OXR1: variants seen among roughly 807,000 people sequenced by gnomAD.
OXR1 encodes the protein oxidation resistance protein 1.
OXR1 carries 41 observed loss-of-function variants against 104.6 expected under a neutral mutation model. The observed-to-expected ratio is 0.39, with a 90% CI of 0.31 to 0.51. OXR1 has a LOEUF of 0.51. Ranked by LOEUF, OXR1 falls within the 20% of genes least tolerant of loss-of-function variation. OXR1 has a pLI of 0.77. For missense variants in OXR1, 955 were observed against 1,031.9 expected, an observed-to-expected ratio of 0.93 and a Z score of 1.02; for synonymous variants, 348 against 348.4, an observed-to-expected ratio of 1.00 and a Z score of 0.01.
Position 106,713,874 on chromosome 8 carries a change from A to G in OXR1, c.1845A>G (p.Ala615=), listed in dbSNP as rs953127412. Residue 615 remains alanine, a synonymous_variant, in exon 11 of 17, where the codon GCA becomes GCG. Transcript: ENST00000517566. ...FFIQWSPEIY[A]EDTGEYTREP... is the part of the protein sequence containing the mutation. Reference sequence around the variant, plus strand: ...TTCAGTGGAGTCCAGAAATATATGCAGAAGATACTGGCGAATATACCAGAG... The same window carrying G: ...TTCAGTGGAGTCCAGAAATATATGCGGAAGATACTGGCGAATATACCAGAG... 1.3e-6 allele frequency: 2 copies of G among 1,589,772 alleles called. No individual in the cohort carries two copies. The highest frequency in any genetic ancestry group is 8.5e-7 in the Non-Finnish European group (1 of 1,172,426).
chr8:106,646,693 T>A (rs1824112788), intron 3 of OXR1, among the ~76,000 whole-genome samples: 1 of 152,162 alleles, frequency 6.6e-6, no homozygotes, highest in South Asian at 2.1e-4. Context: ...GGGTAAGACC[T>A]CCTTATAGCT....
intron 3 of OXR1, among the ~76,000 whole-genome samples, chr8:106,638,094 T>C (rs1823308516): frequency 6.6e-6 from 1 of 152,100 alleles, no homozygotes; most frequent in South Asian, 2.1e-4. Context: ...CAGTTTTGTA[T>C]TCCTAAGGGC....
intron 3 of OXR1, among the ~76,000 whole-genome samples, chr8:106,654,514 A>G (rs1226302273): frequency 6.6e-6 from 1 of 152,144 alleles, no homozygotes; most frequent in East Asian, 1.9e-4. Context: ...TCCTCACATC[A>G]AACCTGAAAA....
At chr8:106,498,819 T>G (rs1448169021) in intron 2 of OXR1, among the ~76,000 whole-genome samples, 1 of 152,244 alleles carries the variant, frequency 6.6e-6, no homozygotes, top group Admixed American at 6.5e-5. Flanking sequence ...CATCTCATCG[T>G]CTTATATAAC....
chr8:106,569,996 C>A (rs1817359456), intron 3 of OXR1, among the ~76,000 whole-genome samples: 1 of 152,160 alleles, frequency 6.6e-6, no homozygotes. Flanking sequence ...TATGCCCTTA[C>A]ATAATTTTCA....
intron 3 of OXR1, among the ~76,000 whole-genome samples, chr8:106,537,955 T>C (rs532928499): frequency 6.6e-6 from 1 of 152,314 alleles, no homozygotes; most frequent in Admixed American, 6.5e-5. Flanking sequence ...TATCTGTGAC[T>C]CCTGAAATTT....
rs1340700837 is a variant in OXR1 at position 106,592,136 on chromosome 8, A to G, written c.220+72997A>G. Among the ~76,000 whole-genome samples, 4 of 152,324 alleles carry G rather than the reference A, an allele frequency of 2.6e-5. No individual in the cohort carries two copies. The East Asian group carries it at 7.7e-4, about 29-fold the overall frequency. On this transcript the variant is annotated intron_variant, in intron 3 of 16. Coordinates refer to ENST00000517566, the MANE Select transcript of OXR1 (RefSeq NM_001198533.2). The stretch of plus-strand genomic sequence containing the variant: ...TGGAAAAGTCACTTCTTCCTGCTTT[A>G]CCATATTGCCTTTTCCCTATTAAAT...
intron 3 of OXR1, among the ~76,000 whole-genome samples, chr8:106,571,695 G>T (rs1360888673): frequency 2.0e-5 from 3 of 152,128 alleles, no homozygotes; most frequent in African/African-American, 7.2e-5. Context: ...ATAGGGGTGA[G>T]ATACGGGTGA....
At chr8:106,347,018 A>G (rs12548769) in intron 1 of OXR1, among the ~76,000 whole-genome samples, 70,709 of 152,036 alleles carry the variant, frequency 0.47, 16,633 homozygotes, top group African/African-American at 0.53. Flanking sequence ...ACTCCAGCTT[A>G]GGCGACAAAG....
At chr8:106,693,045 C>G (rs1320487270) in intron 7 of OXR1, among the ~76,000 whole-genome samples, 168 bp downstream of exon 7, 1 of 152,208 alleles carries the variant, frequency 6.6e-6, no homozygotes, top group South Asian at 2.1e-4. Flanking sequence ...TTGCTTATAA[C>G]TTAGAGTCTG....
intron 7 of OXR1, among the ~76,000 whole-genome samples, chr8:106,699,228 A>G (rs144244254): frequency 5.4e-4 from 82 of 152,018 alleles, no homozygotes; most frequent in African/African-American, 1.7e-3. Context: ...GTGGGCGCTG[A>G]CTATTGATTC....
At chr8:106,568,649 C>G (rs1170640171) in intron 3 of OXR1, among the ~76,000 whole-genome samples, 3 of 152,088 alleles carry the variant, frequency 2.0e-5, no homozygotes, top group Non-Finnish European at 4.4e-5. Flanking sequence ...AAATGAAATA[C>G]ATCCAAATCA....
At chr8:106,575,502 G>C (rs748886256) in intron 3 of OXR1, among the ~76,000 whole-genome samples, 16 of 151,960 alleles carry the variant, frequency 1.1e-4, no homozygotes, top group Non-Finnish European at 1.8e-4. Flanking sequence ...ATGTTACCAT[G>C]ATTAAATTCT....
chr8:106,341,707 A>T (rs1563727150), intron 1 of OXR1, among the ~76,000 whole-genome samples: 1 of 152,086 alleles, frequency 6.6e-6, no homozygotes, highest in Non-Finnish European at 1.5e-5. Context: ...TGGAGGCCAT[A>T]CATTTGCTTA....
At chr8:106,425,838 T>C (rs1176042447) in intron 2 of OXR1, among the ~76,000 whole-genome samples, 2 of 152,088 alleles carry the variant, frequency 1.3e-5, no homozygotes, top group South Asian at 2.1e-4. Flanking sequence ...AAACATGGGG[T>C]AGGTTATTGG....
intron 2 of OXR1, among the ~76,000 whole-genome samples, chr8:106,480,789 C>G (rs572407124): frequency 6.6e-6 from 1 of 152,054 alleles, no homozygotes; most frequent in South Asian, 2.1e-4. Context: ...TAAAAAATAC[C>G]TGCCTTGCCT....
At chr8:106,685,696 T>TAA (rs61159962) in intron 6 of OXR1, among the ~76,000 whole-genome samples, 3 of 135,944 alleles carry the variant, frequency 2.2e-5, no homozygotes, top group African/African-American at 2.7e-5. Context: ...TGGGATAGAT[T>TAA]AAAAAAAAAA....
intron 3 of OXR1, among the ~76,000 whole-genome samples, chr8:106,594,683 G>A (rs1264150965): frequency 6.6e-6 from 1 of 152,152 alleles, no homozygotes; most frequent in African/African-American, 2.4e-5. Context: ...AGACTGTGAG[G>A]CATGGAATCT....
At chr8:106,401,215 G>A (rs1402239714) in intron 2 of OXR1, among the ~76,000 whole-genome samples, 1 of 152,100 alleles carries the variant, frequency 6.6e-6, no homozygotes, top group Admixed American at 6.6e-5. Context: ...TTCTGCCCAC[G>A]AGAAAGATGT....
Sources: gnomAD v4.1 joint callset for allele counts (sites outside exome capture counted in the v4.1 genomes callset) on GRCh38, gnomAD v4.1.1 for gene constraint, MANE v1.5 for transcripts, NCBI Gene and HGNC (gene_info 2026-07-23, HGNC 2026-07-21) for gene names.